DOCK3: variants seen among roughly 807,000 people sequenced by gnomAD.
DOCK3 encodes dedicator of cytokinesis protein 3.
In DOCK3, 60 loss-of-function variants were observed where a neutral mutation model predicts 265.6. That is an observed-to-expected ratio of 0.23 (90% CI 0.18 to 0.28). DOCK3 has a LOEUF of 0.28. Among genes scored for constraint, DOCK3 ranks in the 10% least tolerant of loss-of-function variants. The pLI is 1.00. For synonymous variants in DOCK3, 881 were observed against 938.0 expected (o/e 0.94, Z 1.11); for missense variants, 1,981 against 2,594.3 (o/e 0.76, Z 5.14).
intron 12 of DOCK3, among the ~76,000 whole-genome samples, chr3:51,190,186 A>C (rs146827080): frequency 4.6e-5 from 7 of 151,996 alleles, no homozygotes; most frequent in Non-Finnish European, 1.0e-4. Context: ...GATGTGATGT[A>C]CTCCCCCTTT....
chr3:51,112,387 A>G (rs1363045660), intron 9 of DOCK3, among the ~76,000 whole-genome samples: 3 of 152,212 alleles, frequency 2.0e-5, no homozygotes, highest in East Asian at 1.9e-4. Context: ...AGAATAGGCA[A>G]ACCTGAACTA....
At chr3:51,168,622 C>T (rs2086521838) in intron 12 of DOCK3, among the ~76,000 whole-genome samples, 1 of 152,116 alleles carries the variant, frequency 6.6e-6, no homozygotes, top group East Asian at 1.9e-4. Context: ...AGCATGAAAC[C>T]CGAAACTATA....
intron 2 of DOCK3, among the ~76,000 whole-genome samples, chr3:50,816,037 T>G (rs1298597454): frequency 6.6e-6 from 1 of 152,146 alleles, no homozygotes; most frequent in Non-Finnish European, 1.5e-5. Context: ...ACTGGTTTTT[T>G]TTTTTTAGAT....
chr3:50,896,633 G>A (rs1025504650), intron 4 of DOCK3, among the ~76,000 whole-genome samples: 2 of 151,982 alleles, frequency 1.3e-5, no homozygotes, highest in African/African-American at 4.8e-5. Flanking sequence ...TTACGTTTAA[G>A]TCTTTAATCC....
rs112656755 is a variant in DOCK3, at chr3:51,227,463, C to G, written c.1540+18C>G. The G allele has an allele frequency of 6.5e-5, 105 of 1,613,508 alleles. No individual in the cohort carries two copies. Among genetic ancestry groups the G allele is most frequent in the Middle Eastern group, 3.3e-4 (2 of 6,054 alleles). On this transcript the variant is annotated intron_variant, in intron 16 of 52. Coordinates refer to ENST00000266037, the MANE Select transcript of DOCK3 (RefSeq NM_004947.5). ...TTGTTCCAGTGAGTTAGACTTCCCCCCCTCCACATTCCCTTGAGAATATAA... is the reference window on the plus strand; with the variant it reads ...TTGTTCCAGTGAGTTAGACTTCCCCGCCTCCACATTCCCTTGAGAATATAA...
chr3:51,330,756 G>A (rs1357179220), intron 33 of DOCK3, among the ~76,000 whole-genome samples: 1 of 152,142 alleles, frequency 6.6e-6, no homozygotes, highest in African/African-American at 2.4e-5. Flanking sequence ...CCATTCCATG[G>A]TTTCTGGCTT....
chr3:51,054,121 T>TAAAAAAAAAAAAAAAAAAAA, intron 5 of DOCK3, among the ~76,000 whole-genome samples: 1 of 85,012 alleles, frequency 1.2e-5, no homozygotes, highest in Non-Finnish European at 2.3e-5. Context: ...CGTAGCTTCC[T>TAAAAAAAAAAAAAAAAAAAA]AAAAAAAAAA....
chr3:51,032,988 T>C (rs1221171655), intron 5 of DOCK3, among the ~76,000 whole-genome samples: 1 of 152,222 alleles, frequency 6.6e-6, no homozygotes, highest in Non-Finnish European at 1.5e-5. Context: ...ATCAGCCATT[T>C]AGTCCATCTT....
intron 2 of DOCK3, among the ~76,000 whole-genome samples, chr3:50,819,970 A>C (rs997268898): frequency 2.6e-5 from 4 of 152,264 alleles, no homozygotes; most frequent in African/African-American, 7.2e-5. Flanking sequence ...TCAAAATAAA[A>C]AACAACAACA....
At chr3:51,368,789 C>G (rs891404919) in intron 49 of DOCK3, among the ~76,000 whole-genome samples, 2 of 152,224 alleles carry the variant, frequency 1.3e-5, no homozygotes, top group African/African-American at 4.8e-5. Context: ...AGGAGCCTAA[C>G]TGGGAGGCAC....
At chr3:50,999,241 A>G (rs754734604) in intron 5 of DOCK3, among the ~76,000 whole-genome samples, 1 of 152,198 alleles carries the variant, frequency 6.6e-6, no homozygotes, top group African/African-American at 2.4e-5. Context: ...TATTTCATAT[A>G]TTGTCAGTTT....
intron 1 of DOCK3, among the ~76,000 whole-genome samples, chr3:50,741,504 T>C (rs1431406450): frequency 2.8e-5 from 4 of 145,046 alleles, no homozygotes; most frequent in Non-Finnish European, 6.0e-5. Context: ...AGTTCCCACC[T>C]ATGAGTGAGA....
chr3:51,088,966 C>T (rs920649127), intron 7 of DOCK3, among the ~76,000 whole-genome samples: 2 of 151,892 alleles, frequency 1.3e-5, no homozygotes, highest in Admixed American at 6.6e-5. Context: ...TACCAGGCAC[C>T]GACTTGTGAC....
chr3:50,871,962 A>G (rs1195412722), intron 3 of DOCK3, among the ~76,000 whole-genome samples: 7 of 152,124 alleles, frequency 4.6e-5, no homozygotes, highest in Admixed American at 2.6e-4. Context: ...AATTTCTTTG[A>G]GTTTACTAAA....
chr3:50,946,946 A>G (rs1219146096), intron 5 of DOCK3, among the ~76,000 whole-genome samples: 1 of 152,184 alleles, frequency 6.6e-6, no homozygotes, highest in Non-Finnish European at 1.5e-5. Context: ...AGTCACTGTA[A>G]AAATCCTATT....
chr3:50,737,330 G>A (rs1576289052), intron 1 of DOCK3, among the ~76,000 whole-genome samples: 2 of 152,170 alleles, frequency 1.3e-5, no homozygotes, highest in African/African-American at 4.8e-5. Flanking sequence ...ACCAAGACAG[G>A]GGGTGGGGAG....
At chr3:50,984,254 C>T (rs536341413) in intron 5 of DOCK3, among the ~76,000 whole-genome samples, 29 of 152,340 alleles carry the variant, frequency 1.9e-4, no homozygotes, top group African/African-American at 6.0e-4. Flanking sequence ...AGAAAAGCAA[C>T]ACCCCAAAGA....
intron 1 of DOCK3, among the ~76,000 whole-genome samples, chr3:50,761,904 C>T (rs943038137): frequency 1.3e-5 from 2 of 152,190 alleles, no homozygotes; most frequent in African/African-American, 4.8e-5. Flanking sequence ...GGCACATATA[C>T]AACACGGAAT....
intron 27 of DOCK3, among the ~76,000 whole-genome samples, chr3:51,294,027 A>G (rs2081935492): frequency 6.6e-6 from 1 of 152,228 alleles, no homozygotes; most frequent in African/African-American, 2.4e-5. Context: ...TTTGGAAAAC[A>G]GTATGAAGTT....
Sources: gnomAD v4.1 joint callset for allele counts (sites outside exome capture counted in the v4.1 genomes callset) on GRCh38, gnomAD v4.1.1 for gene constraint, MANE v1.5 for transcripts, NCBI Gene and HGNC (gene_info 2026-07-23, HGNC 2026-07-21) for gene names.